Variants in NAALADL2 observed in about 807,000 individuals in gnomAD.
NAALADL2 encodes inactive N-acetylated-alpha-linked acidic dipeptidase-like protein 2.
NAALADL2 carries 76 observed loss-of-function variants against 87.2 expected under a neutral mutation model. The observed-to-expected ratio is 0.87, with a 90% CI of 0.72 to 1.05. The LOEUF is 1.05. NAALADL2 is among the 50% of genes least tolerant of loss of function. The probability of loss-of-function intolerance (pLI) is 0.00; values close to 1 mark genes in which losing one functional copy is unlikely to be tolerated. For synonymous variants in NAALADL2, 354 were observed against 331.0 expected, an observed-to-expected ratio of 1.07 and a Z score of -0.75; for missense variants, 1,089 against 945.8, an observed-to-expected ratio of 1.15 and a Z score of -1.99.
chr3:175,266,358 A>C (rs1000754892), intron 4 of NAALADL2, among the ~76,000 whole-genome samples: 5 of 133,848 alleles, frequency 3.7e-5, no homozygotes, highest in Admixed American at 6.8e-5. Context: ...TTTTTTATTA[A>C]AAAATTAGGA....
At chr3:175,235,992 G>A (rs995150231) in intron 3 of NAALADL2, among the ~76,000 whole-genome samples, 5 of 152,016 alleles carry the variant, frequency 3.3e-5, no homozygotes, top group African/African-American at 7.2e-5. Flanking sequence ...CTCAATGCCC[G>A]TGCACTTTCA....
intron 1 of NAALADL2, among the ~76,000 whole-genome samples, chr3:174,509,100 T>A (rs528261168): frequency 7.0e-6 from 1 of 143,228 alleles, no homozygotes; most frequent in Non-Finnish European, 1.5e-5. Flanking sequence ...TCAAACTGTA[T>A]GCCTTTTTTT....
intron 3 of NAALADL2, among the ~76,000 whole-genome samples, chr3:174,805,612 T>C (rs1482504113): frequency 1.3e-5 from 2 of 152,278 alleles, no homozygotes; most frequent in African/African-American, 2.4e-5. Context: ...AAGTCTCTAT[T>C]GTGGTATTTA....
intron 2 of NAALADL2, among the ~76,000 whole-genome samples, chr3:175,225,502 T>C (rs1744023671): frequency 1.3e-5 from 2 of 152,122 alleles, no homozygotes; most frequent in South Asian, 4.1e-4. Context: ...TGAAAGAGAT[T>C]AATAATCTTT....
intron 1 of NAALADL2, among the ~76,000 whole-genome samples, chr3:175,002,774 G>C (rs1212791614): frequency 6.6e-6 from 1 of 152,136 alleles, no homozygotes; most frequent in African/African-American, 2.4e-5. Context: ...AAACATCACT[G>C]TTTTGGTATT....
intron 5 of NAALADL2, among the ~76,000 whole-genome samples, chr3:175,392,684 A>G (rs1769226625): frequency 1.3e-5 from 2 of 152,162 alleles, no homozygotes; most frequent in Admixed American, 1.3e-4. Flanking sequence ...TGCACCATCG[A>G]TTATGCCAGG....
At chr3:175,130,809 C>A (rs1727716429) in intron 2 of NAALADL2, among the ~76,000 whole-genome samples, 1 of 152,064 alleles carries the variant, frequency 6.6e-6, no homozygotes, top group African/African-American at 2.4e-5. Flanking sequence ...ATTACTGTAG[C>A]TTTGTAATAT....
chr3:175,130,411 T>G (rs1012543355), intron 2 of NAALADL2, among the ~76,000 whole-genome samples: 3 of 152,322 alleles, frequency 2.0e-5, no homozygotes, highest in African/African-American at 7.2e-5. Flanking sequence ...ATCCAAAAAG[T>G]CTTTGTCAAG....
chr3:175,654,095 C>G (rs2149794617), intron 11 of NAALADL2, among the ~76,000 whole-genome samples: 1 of 152,246 alleles, frequency 6.6e-6, no homozygotes, highest in East Asian at 1.9e-4. Flanking sequence ...CCTTTCAAGT[C>G]TAGGGGTTAG....
chr3:174,706,154 C>G (rs1224355194), intron 2 of NAALADL2, among the ~76,000 whole-genome samples: 1 of 152,170 alleles, frequency 6.6e-6, no homozygotes, highest in Non-Finnish European at 1.5e-5. Context: ...ATAAAACTCT[C>G]ACATACACAA....
intron 2 of NAALADL2, among the ~76,000 whole-genome samples, chr3:174,590,228 C>T (rs1717212222): frequency 6.6e-6 from 1 of 152,014 alleles, no homozygotes; most frequent in East Asian, 1.9e-4. Context: ...ATCAGCTCAA[C>T]TAGATCCTTC....
intron 1 of NAALADL2, among the ~76,000 whole-genome samples, chr3:174,934,382 G>T (rs28620674): frequency 0.013 from 1,989 of 152,074 alleles, 46 homozygotes; most frequent in African/African-American, 0.046. Context: ...CTCACTTTTG[G>T]GAAACTGAAT....
At chr3:175,179,143 C>T (rs1186434672) in intron 2 of NAALADL2, among the ~76,000 whole-genome samples, 1 of 152,048 alleles carries the variant, frequency 6.6e-6, no homozygotes, top group African/African-American at 2.4e-5. Flanking sequence ...TTCCTAACTG[C>T]TCCTAACACA....
intron 3 of NAALADL2, among the ~76,000 whole-genome samples, chr3:174,843,232 G>T (rs966322251): frequency 6.6e-6 from 1 of 151,798 alleles, no homozygotes; most frequent in Non-Finnish European, 1.5e-5. Flanking sequence ...TGTACTATCT[G>T]ATCAATCTCT....
intron 11 of NAALADL2, among the ~76,000 whole-genome samples, chr3:175,654,251 A>G (rs953157596): frequency 1.8e-4 from 28 of 152,040 alleles, no homozygotes; most frequent in African/African-American, 6.5e-4. Flanking sequence ...TTCTTTTTCT[A>G]GAATGGGACA....
At chr3:175,096,011 C>T (rs1721092527) in intron 1 of NAALADL2, among the ~76,000 whole-genome samples, 1 of 152,076 alleles carries the variant, frequency 6.6e-6, no homozygotes, top group South Asian at 2.1e-4. Context: ...TCTGCCACTC[C>T]TGTAGCAAGG....
At chr3:175,059,053 C>T (rs1291828331) in intron 1 of NAALADL2, among the ~76,000 whole-genome samples, 1 of 152,152 alleles carries the variant, frequency 6.6e-6, no homozygotes, top group Non-Finnish European at 1.5e-5. Flanking sequence ...ATTGAAAATG[C>T]TTGGCCCAAG....
At chr3:175,274,249 T>C (rs1297255057) in intron 4 of NAALADL2, among the ~76,000 whole-genome samples, 1 of 152,184 alleles carries the variant, frequency 6.6e-6, no homozygotes, top group Non-Finnish European at 1.5e-5. Context: ...ATGAGACTTA[T>C]TCATTATCAT....
chr3:174,650,337 A>G (rs969408818), intron 2 of NAALADL2, among the ~76,000 whole-genome samples: 1 of 152,102 alleles, frequency 6.6e-6, no homozygotes, highest in Admixed American at 6.5e-5. Flanking sequence ...TAGGCAAAAC[A>G]CCATATATCC....
Sources: gnomAD v4.1 joint callset for allele counts (sites outside exome capture counted in the v4.1 genomes callset) on GRCh38, gnomAD v4.1.1 for gene constraint, MANE v1.5 for transcripts, NCBI Gene and HGNC (gene_info 2026-07-23, HGNC 2026-07-21) for gene names.